Variants in UBN2 observed in about 807,000 individuals in gnomAD.
The protein encoded by UBN2 is ubinuclein-2.
In UBN2, 35 loss-of-function variants were observed where a neutral mutation model predicts 120.2. That is an observed-to-expected ratio of 0.29 (90% CI 0.22 to 0.39). The LOEUF (loss-of-function observed/expected upper bound fraction) is 0.39, where lower values mean the gene tolerates loss of function less well. Among genes scored for constraint, UBN2 ranks in the 10% least tolerant of loss-of-function variants. The probability of loss-of-function intolerance (pLI) is 1.00; values close to 1 mark genes in which losing one functional copy is unlikely to be tolerated. For synonymous variants in UBN2, 661 were observed against 648.7 expected (o/e 1.02, Z -0.29); for missense variants, 1,693 against 1,663.2 (o/e 1.02, Z -0.31).
rs980419295 is a variant in UBN2, at chr7:139,297,201, AAAAAAAAAAAG to A, written c.3995-585_3995-575del. On this transcript the variant is annotated intron_variant, in intron 17 of 17. Coordinates refer to ENST00000473989, the MANE Select transcript of UBN2 (RefSeq NM_173569.4). Reference sequence around the variant, plus strand: ...AGAGCGAGACTCCGTCTCAAAAAAAAAAAAAAAAAAGGAAAGAGCCTTGTCCCAGTAGCAGA... The same window carrying A: ...AGAGCGAGACTCCGTCTCAAAAAAAAGAAAGAGCCTTGTCCCAGTAGCAGA... 1.7e-3 allele frequency among the ~76,000 whole-genome samples: 258 copies of A among 152,172 alleles called. 1 individual carries two copies. The highest frequency in any genetic ancestry group is 6.1e-3 in the African/African-American group (254 of 41,510).
downstream of UBN2, among the ~76,000 whole-genome samples, chr7:139,311,799 G>T (rs529665351): frequency 1.6e-4 from 24 of 152,278 alleles, no homozygotes; most frequent in South Asian, 6.2e-4. Context: ...TTCATCACAG[G>T]TATCAGAAAC....
intron 3 of UBN2, among the ~76,000 whole-genome samples, chr7:139,254,659 A>G (rs1212624202): frequency 6.6e-6 from 1 of 152,258 alleles, no homozygotes; most frequent in Non-Finnish European, 1.5e-5. Flanking sequence ...AGCAAGTGCA[A>G]AGCATCAGTA....
chr7:139,310,448 A>G (rs2131102598), downstream of UBN2, among the ~76,000 whole-genome samples: 1 of 152,342 alleles, frequency 6.6e-6, no homozygotes, highest in Non-Finnish European at 1.5e-5. Flanking sequence ...AGTTATAAGC[A>G]GTGATACGTA....
chr7:139,289,413 G>GTTTTTTTTTTTTTTTT (rs1797880317), intron 15 of UBN2, among the ~76,000 whole-genome samples: 1 of 130,222 alleles, frequency 7.7e-6, no homozygotes, highest in African/African-American at 3.2e-5. Context: ...TTTACATTTT[G>GTTTTTTTTTTTTTTTT]CTTTTTTTTT....
chr7:139,309,348 T>C (rs181742597), downstream of UBN2, among the ~76,000 whole-genome samples: 1 of 152,272 alleles, frequency 6.6e-6, no homozygotes, highest in Admixed American at 6.5e-5. Flanking sequence ...ATGGACCTCA[T>C]ACATTAGGGG....
intron 8 of UBN2, among the ~76,000 whole-genome samples, chr7:139,270,245 C>T (rs1014219480): frequency 6.7e-6 from 1 of 148,154 alleles, no homozygotes; most frequent in Non-Finnish European, 1.5e-5. Context: ...TGAGATTCAT[C>T]TTATGTCTAC....
At position 139,299,570 on chromosome 7, in the gene UBN2, T is replaced by TA. The variant is rs990300001; in HGVS notation, c.*1735dup. 3 of 152,186 alleles carry TA rather than the reference T, an allele frequency of 2.0e-5. No individual in the cohort carries two copies. Among genetic ancestry groups the TA allele is most frequent in the African/African-American group, 4.8e-5 (2 of 41,452 alleles). The allele number at this position is 152,186 out of a possible 1,614,324, so 9.4% of individuals were successfully genotyped here. The stretch of plus-strand genomic sequence containing the variant: ...GAAAACTTTAGTTCCAAGAACTTGT[T>TA]ACAGTAAAGGGAAAGGATTATTTCA... On this transcript the variant is annotated 3_prime_UTR_variant, in exon 18 of 18. Transcript: ENST00000473989.
chr7:139,262,088 T>TTTTA (rs756270445), intron 6 of UBN2, among the ~76,000 whole-genome samples: 193 of 150,270 alleles, frequency 1.3e-3, no homozygotes, highest in South Asian at 4.0e-3. Flanking sequence ...TGGTGTTTTA[T>TTTTA]TTTATTTATT....
At chr7:139,259,194 A>C (rs1244853389) in intron 4 of UBN2, 73 bp from the exon 5 acceptor site, 73 of 1,568,224 alleles carry the variant, frequency 4.7e-5, no homozygotes, top group Non-Finnish European at 6.1e-5. Flanking sequence ...ACCACTGCTG[A>C]TGCTGGATTG....
downstream of UBN2, among the ~76,000 whole-genome samples, chr7:139,311,529 G>A (rs774138887): frequency 1.9e-4 from 29 of 152,256 alleles, 1 homozygote; most frequent in Non-Finnish European, 4.0e-4. Context: ...GCACAGGGGT[G>A]AGACCCCAGG....
At chr7:139,233,089 A>C (rs7782122) in intron 1 of UBN2, among the ~76,000 whole-genome samples, 4,245 of 152,308 alleles carry the variant, frequency 0.028, 180 homozygotes, top group African/African-American at 0.089. Flanking sequence ...CTGACTGCTT[A>C]GTCACAAAGT....
Position 139,304,695 on chromosome 7 carries a change from T to G in UBN2, c.*6859T>G, listed in dbSNP as rs889709367. ...AGAATTGGCTAAGGTCCACTGAATC[T>G]CTAATGATAGGGTGTGTGTGTGTGT... On this transcript the variant is annotated 3_prime_UTR_variant, in exon 18 of 18. Coordinates refer to ENST00000473989, the MANE Select transcript of UBN2 (RefSeq NM_173569.4). 1.0e-4 allele frequency: 14 copies of G among 134,600 alleles called. 1 individual carries two copies. Among genetic ancestry groups the G allele is most frequent in the African/African-American group, 4.4e-4 (14 of 31,652 alleles). The allele number at this position is 134,600 out of a possible 1,614,324, so 8.3% of individuals were successfully genotyped here.
chr7:139,274,177 C>T, intron 11 of UBN2, 103 bp downstream of exon 11: 1 of 1,189,964 alleles, frequency 8.4e-7, no homozygotes, highest in Non-Finnish European at 1.1e-6. Flanking sequence ...TTGCTAAGAA[C>T]CTAATATATT....
chr7:139,266,529 G>T, intron 7 of UBN2, 126 bp downstream of exon 7: 1 of 500,266 alleles, frequency 2.0e-6, no homozygotes, highest in Non-Finnish European at 3.6e-6. Context: ...CTTACAGCAT[G>T]TATGATTCAC....
intron 3 of UBN2, 38 bp downstream of exon 3, chr7:139,252,095 G>T: frequency 6.5e-7 from 1 of 1,535,232 alleles, no homozygotes. Context: ...CAAATTCATT[G>T]TTTGTATGGG....
Position 139,273,974 on chromosome 7 carries a change from G to A in UBN2, c.1873G>A (p.Glu625Lys). 6.2e-7 allele frequency: 1 copy of A among 1,613,528 alleles called. No individual in the cohort carries two copies. Among genetic ancestry groups the A allele is most frequent in the East Asian group, 2.2e-5 (1 of 44,832 alleles). Residue 625 changes from glutamate (E) to lysine (K), a missense_variant, in exon 11 of 18, where the codon GAG (glutamate) becomes AAG (lysine). Glu to Lys is a moderately conservative substitution (Grantham distance 56, BLOSUM62 1). Transcript: ENST00000473989. The stretch of plus-strand genomic sequence containing the variant: ...TGTTGAGATCAAATTGGGATGCTAT[G>A]AGTTAGAACCAAATAAAAGCCAGTC... ...NLVEIKLGCYELEPNKSQSAE... is the reference protein window; with the variant it reads ...NLVEIKLGCYKLEPNKSQSAE...
At chr7:139,325,845 T>C in the UBN2 span, among the ~76,000 whole-genome samples, 1 of 152,110 alleles carries the variant, frequency 6.6e-6, no homozygotes, top group African/African-American at 2.4e-5. Context: ...AAGGACAGGA[T>C]GGAGGTGACC....
intron 7 of UBN2, among the ~76,000 whole-genome samples, chr7:139,267,125 G>A (rs1797122001): frequency 6.6e-6 from 1 of 152,126 alleles, no homozygotes; most frequent in Non-Finnish European, 1.5e-5. Context: ...GTATATAATT[G>A]GATGCAGAAC....
At position 139,293,352 on chromosome 7, in the gene UBN2, A is replaced by G; in HGVS notation, c.3790A>G (p.Thr1264Ala). The G allele has an allele frequency of 6.2e-7, 1 of 1,614,124 alleles. No individual in the cohort carries two copies. Among genetic ancestry groups the G allele is most frequent in the Middle Eastern group, 1.6e-4 (1 of 6,062 alleles). Residue 1264 changes from threonine to alanine, a missense_variant, in exon 16 of 18, where the codon ACC (threonine) becomes GCC (alanine). Transcript: ENST00000473989. Reference protein sequence around the residue: ...FGMLGGLVPVTMPFQFPLEIF... With the variant: ...FGMLGGLVPVAMPFQFPLEIF... Reference sequence around the variant, plus strand: ...GATGCTGGGTGGCCTTGTTCCAGTGACCATGCCCTTCCAGTTTCCCTTGGA... The same window carrying G: ...GATGCTGGGTGGCCTTGTTCCAGTGGCCATGCCCTTCCAGTTTCCCTTGGA...
Sources: gnomAD v4.1 joint callset for allele counts (sites outside exome capture counted in the v4.1 genomes callset) on GRCh38, gnomAD v4.1.1 for gene constraint, MANE v1.5 for transcripts, NCBI Gene and HGNC (gene_info 2026-07-23, HGNC 2026-07-21) for gene names.